The following KIF6 variants were observed in gnomAD, a reference collection of about 807,000 sequenced individuals.
KIF6 encodes kinesin-like protein KIF6.
A neutral mutation model predicts 112.7 loss-of-function variants in KIF6; 106 were observed. The observed-to-expected ratio is 0.94, with a 90% CI of 0.80 to 1.11. KIF6 has a LOEUF of 1.11. KIF6 is among the 50% of genes least tolerant of loss of function. The pLI, the probability that KIF6 is intolerant of heterozygous loss-of-function variation, is 0.00. For synonymous variants in KIF6, 339 were observed against 339.9 expected, an observed-to-expected ratio of 1.00 and a Z score of 0.03; for missense variants, 929 against 964.0, an observed-to-expected ratio of 0.96 and a Z score of 0.48.
intron 6 of KIF6, among the ~76,000 whole-genome samples, chr6:39,609,152 T>C (rs546384484): frequency 2.6e-5 from 4 of 152,158 alleles, no homozygotes; most frequent in Non-Finnish European, 2.9e-5. Flanking sequence ...TCTTCAGCAC[T>C]ACTTGGCGGG....
intron 13 of KIF6, among the ~76,000 whole-genome samples, chr6:39,535,756 A>G (rs1778381876): frequency 6.6e-6 from 1 of 152,202 alleles, no homozygotes; most frequent in African/African-American, 2.4e-5. Flanking sequence ...TCAACAGAAT[A>G]TACATTTTTT....
chr6:39,336,190 G>A lies in KIF6; in HGVS notation c.*342C>T, dbSNP rs11756686. On this transcript the variant is annotated 3_prime_UTR_variant, in exon 23 of 23. Transcript: ENST00000287152. ...TCCTCTGACATTATATTTTGATGGT[G>A]CTATTTCACATTCTCAAAAGCTTAT... 0.07 allele frequency: 16,974 copies of A among 243,778 alleles called. 773 individuals are homozygous for A. The highest frequency in any genetic ancestry group is 0.13 in the African/African-American group (5,911 of 44,428). 15.1% of individuals were successfully genotyped at this position (243,778 alleles called of 1,614,324 possible).
At chr6:39,354,159 G>T in intron 19 of KIF6, 1 of 333,972 alleles carries the variant, frequency 3.0e-6, no homozygotes. Context: ...CTGCTGCCCT[G>T]CAACGGTGAC....
intron 13 of KIF6, among the ~76,000 whole-genome samples, chr6:39,528,912 C>A (rs1223884972): frequency 6.6e-6 from 1 of 152,064 alleles, no homozygotes; most frequent in Non-Finnish European, 1.5e-5. Context: ...CCCTGAATAT[C>A]CAAAGCTATC....
chr6:39,519,896 T>A (rs529178093), intron 13 of KIF6, among the ~76,000 whole-genome samples: 1 of 151,910 alleles, frequency 6.6e-6, no homozygotes, highest in Non-Finnish European at 1.5e-5. Flanking sequence ...GTGGTGGATA[T>A]CTGTAGTCCC....
chr6:39,607,074 T>G (rs2150707831), intron 6 of KIF6, among the ~76,000 whole-genome samples: 1 of 152,286 alleles, frequency 6.6e-6, no homozygotes, highest in Non-Finnish European at 1.5e-5. Context: ...GTTGCTGTTG[T>G]TGGTGAATGT....
intron 13 of KIF6, among the ~76,000 whole-genome samples, chr6:39,523,932 T>G (rs1257821690): frequency 1.3e-5 from 2 of 151,910 alleles, no homozygotes; most frequent in Non-Finnish European, 1.5e-5. Flanking sequence ...CAATGAATTT[T>G]TATTCAATGA....
intron 10 of KIF6, among the ~76,000 whole-genome samples, chr6:39,569,501 A>G (rs1780528740): frequency 6.6e-6 from 1 of 152,236 alleles, no homozygotes; most frequent in African/African-American, 2.4e-5. Context: ...CTATAGTTGA[A>G]ATTTATTCAA....
intron 16 of KIF6, among the ~76,000 whole-genome samples, chr6:39,377,349 T>TCCCCCCCCCCCCCCCCCCCC (rs1766520155): frequency 7.2e-6 from 1 of 139,498 alleles, no homozygotes; most frequent in Non-Finnish European, 1.5e-5. Flanking sequence ...GTGCCTGCCC[T>TCCCCCCCCCCCCCCCCCCCC]GCCGTCCCCC....
At chr6:39,496,181 T>C (rs1463529396) in intron 13 of KIF6, among the ~76,000 whole-genome samples, 1 of 152,214 alleles carries the variant, frequency 6.6e-6, no homozygotes, top group African/African-American at 2.4e-5. Flanking sequence ...TTGGCTCCAG[T>C]GCCCACTATC....
intron 13 of KIF6, among the ~76,000 whole-genome samples, chr6:39,485,664 A>G (rs1396326635): frequency 2.6e-5 from 4 of 152,198 alleles, no homozygotes; most frequent in African/African-American, 4.8e-5. Flanking sequence ...CAATGTGCAG[A>G]GAGCCACTGT....
At chr6:39,573,516 C>T (rs964043317) in intron 10 of KIF6, among the ~76,000 whole-genome samples, 4 of 152,112 alleles carry the variant, frequency 2.6e-5, no homozygotes, top group African/African-American at 4.8e-5. Flanking sequence ...CAGTTGTGAA[C>T]GAGTGCCAAA....
rs1218944965 is a variant in KIF6 at position 39,460,806 on chromosome 6, C to A, written c.1646-29645G>T. 2.0e-5 allele frequency among the ~76,000 whole-genome samples: 3 copies of A among 152,120 alleles called. 1 individual carries two copies. The highest frequency in any genetic ancestry group is 2.0e-4 in the Admixed American group (3 of 15,270). On this transcript the variant is annotated intron_variant, in intron 13 of 22. Transcript: ENST00000287152. ...AAAGTGCAAACTCTAGCCTCAATTC[C>A]AAACAATCTTTACCCCAGGTACATA...
chr6:39,603,585 T>A, intron 6 of KIF6, among the ~76,000 whole-genome samples: 1 of 151,962 alleles, frequency 6.6e-6, no homozygotes, highest in Admixed American at 6.6e-5. Flanking sequence ...TTTTTAGTAA[T>A]GATAATTCTG....
At chr6:39,578,225 C>T in intron 9 of KIF6, 66 bp from the exon 10 acceptor site, 1 of 998,562 alleles carries the variant, frequency 1.0e-6, no homozygotes, top group Admixed American at 1.8e-5. Flanking sequence ...TGACAGAGAA[C>T]ATACAGCTCT....
chr6:39,602,554 T>C (rs1782636408), intron 6 of KIF6, among the ~76,000 whole-genome samples: 1 of 152,194 alleles, frequency 6.6e-6, no homozygotes, highest in Non-Finnish European at 1.5e-5. Context: ...TGACTCTTGC[T>C]CATTTCTTGT....
intron 20 of KIF6, 32 bp downstream of exon 20, chr6:39,346,444 A>T: frequency 1.4e-6 from 1 of 717,124 alleles, no homozygotes; most frequent in Non-Finnish European, 2.6e-6. Flanking sequence ...TCGAGAAGAC[A>T]GCTGTCTATG....
At chr6:39,701,586 TA>T (rs1788881584) in intron 3 of KIF6, among the ~76,000 whole-genome samples, 1 of 152,206 alleles carries the variant, frequency 6.6e-6, no homozygotes, top group South Asian at 2.1e-4. Context: ...CGTTCAAAGA[TA>T]AAATTGTTAA....
At position 39,334,579 on chromosome 6, in the gene KIF6, C is replaced by T. The variant is rs114820637; in HGVS notation, c.*1953G>A. The stretch of plus-strand genomic sequence containing the variant: ...AGTGAGGTATGGTCGCACCACTGCA[C>T]CCCAGCCTGGCTGACAGAGACCCCC... On this transcript the variant is annotated 3_prime_UTR_variant, in exon 23 of 23. Transcript: ENST00000287152. The T allele has an allele frequency of 0.064, 9,720 of 151,946 alleles. 368 individuals are homozygous for T. Among genetic ancestry groups the T allele is most frequent in the African/African-American group, 0.082 (3,386 of 41,404 alleles). The allele number at this position is 151,946 out of a possible 1,614,324, so 9.4% of individuals were successfully genotyped here.
Sources: gnomAD v4.1 joint callset for allele counts (sites outside exome capture counted in the v4.1 genomes callset) on GRCh38, gnomAD v4.1.1 for gene constraint, MANE v1.5 for transcripts, NCBI Gene and HGNC (gene_info 2026-07-23, HGNC 2026-07-21) for gene names.